Variants in CALN1 observed in about 807,000 individuals in gnomAD.
CALN1 encodes the protein calneuron 1.
Under a neutral mutation model 30.6 loss-of-function variants are expected in CALN1, and 17 were observed. That is an observed-to-expected ratio of 0.56 (90% CI 0.38 to 0.83). The LOEUF (loss-of-function observed/expected upper bound fraction) is 0.83, where lower values mean the gene tolerates loss of function less well. CALN1 is among the 40% of genes least tolerant of loss of function. The probability of loss-of-function intolerance (pLI) is 0.00; values close to 1 mark genes in which losing one functional copy is unlikely to be tolerated. For synonymous variants in CALN1, 156 were observed against 131.4 expected, an observed-to-expected ratio of 1.19 and a Z score of -1.28; for missense variants, 291 against 354.9, an observed-to-expected ratio of 0.82 and a Z score of 1.45.
intron 1 of CALN1, among the ~76,000 whole-genome samples, chr7:72,410,114 T>C (rs1477469849): frequency 1.3e-5 from 2 of 152,158 alleles, no homozygotes; most frequent in African/African-American, 2.4e-5. Flanking sequence ...GGGTACGAGT[T>C]GCTGACAAAA....
intron 5 of CALN1, among the ~76,000 whole-genome samples, chr7:71,897,107 G>A (rs1206882861): frequency 6.6e-6 from 1 of 152,088 alleles, no homozygotes; most frequent in Non-Finnish European, 1.5e-5. Flanking sequence ...CCCTGGAAAT[G>A]TGTTCATCCA....
intron 5 of CALN1, among the ~76,000 whole-genome samples, chr7:71,946,680 C>T (rs933543696): frequency 4.0e-5 from 6 of 151,730 alleles, no homozygotes; most frequent in Admixed American, 3.3e-4. Flanking sequence ...ACGTTACATA[C>T]ACATACATCA....
intron 3 of CALN1, among the ~76,000 whole-genome samples, chr7:72,214,718 G>C (rs1423112199): frequency 6.6e-6 from 1 of 151,934 alleles, no homozygotes; most frequent in African/African-American, 2.4e-5. Context: ...TGAGTGAGGG[G>C]TGCAGAAGTG....
At chr7:72,160,907 A>G (rs1231669850) in intron 3 of CALN1, among the ~76,000 whole-genome samples, 1 of 152,202 alleles carries the variant, frequency 6.6e-6, no homozygotes, top group Non-Finnish European at 1.5e-5. Flanking sequence ...CCGGATAGAA[A>G]GCTAGGAGAA....
chr7:71,840,484 TTAA>T (rs1463223628), intron 5 of CALN1, among the ~76,000 whole-genome samples: 2 of 84,232 alleles, frequency 2.4e-5, no homozygotes, highest in Middle Eastern at 5.1e-3. Context: ...GATGCTCTCT[TTAA>T]AAAAAAAAAA....
At chr7:72,218,991 G>A (rs1270156269) in intron 3 of CALN1, among the ~76,000 whole-genome samples, 2 of 152,198 alleles carry the variant, frequency 1.3e-5, no homozygotes. Flanking sequence ...AACTGCAGAT[G>A]CCATGAGAAG....
At chr7:72,020,778 T>C (rs1800658722) in intron 5 of CALN1, among the ~76,000 whole-genome samples, 1 of 152,236 alleles carries the variant, frequency 6.6e-6, no homozygotes, top group Admixed American at 6.5e-5. Flanking sequence ...AGGCAGTCCA[T>C]ATATTGTAAG....
chr7:72,164,259 T>C (rs1359473338), intron 3 of CALN1, among the ~76,000 whole-genome samples: 2 of 149,744 alleles, frequency 1.3e-5, no homozygotes, highest in Non-Finnish European at 3.0e-5. Flanking sequence ...TCCTAGCCAC[T>C]CTGGAGGCTG....
At chr7:72,217,629 C>T (rs187908810) in intron 3 of CALN1, among the ~76,000 whole-genome samples, 1 of 152,024 alleles carries the variant, frequency 6.6e-6, no homozygotes, top group East Asian at 1.9e-4. Context: ...GACGATTTCA[C>T]AGGCATCTCT....
At chr7:71,921,183 A>G (rs1794927076) in intron 5 of CALN1, among the ~76,000 whole-genome samples, 1 of 152,126 alleles carries the variant, frequency 6.6e-6, no homozygotes, top group Non-Finnish European at 1.5e-5. Context: ...GGAGAGATAC[A>G]TCACACACAC....
the CALN1 span, among the ~76,000 whole-genome samples, chr7:72,501,978 C>CAA: frequency 9.1e-6 from 1 of 109,304 alleles, no homozygotes; most frequent in African/African-American, 3.8e-5. Context: ...AATATATATA[C>CAA]ACACATATAT....
At chr7:72,049,086 G>A (rs1352949642) in intron 4 of CALN1, among the ~76,000 whole-genome samples, 2 of 152,088 alleles carry the variant, frequency 1.3e-5, no homozygotes, top group African/African-American at 4.8e-5. Flanking sequence ...TGGGATTATC[G>A]GTGTGAGCCA....
chr7:72,158,888 C>T (rs900345583), intron 3 of CALN1, among the ~76,000 whole-genome samples: 3 of 152,116 alleles, frequency 2.0e-5, no homozygotes, highest in East Asian at 3.9e-4. Flanking sequence ...GATGGAGTCT[C>T]GCTCTGTCGC....
intron 5 of CALN1, among the ~76,000 whole-genome samples, chr7:71,816,783 C>T (rs1788288913): frequency 6.6e-6 from 1 of 152,120 alleles, no homozygotes; most frequent in Admixed American, 6.5e-5. Flanking sequence ...GCCTGACCAA[C>T]ATGGTGAAAC....
chr7:72,165,233 C>A (rs190245498), intron 3 of CALN1, among the ~76,000 whole-genome samples: 35 of 152,214 alleles, frequency 2.3e-4, no homozygotes, highest in African/African-American at 7.9e-4. Flanking sequence ...AGGCAACTGC[C>A]CATACATTTA....
At position 72,271,575 on chromosome 7, in the gene CALN1, A is replaced by AAAAAATATAT; in HGVS notation, c.244+7110_244+7111insATATATTTTT. On this transcript the variant is annotated intron_variant, in intron 3 of 6. Transcript: ENST00000395275. ...CTGTGCCTGCCTTTTAAAAAAAAAAAATATATATATATATATATAGTTTTC... is the reference window on the plus strand; with the variant it reads ...CTGTGCCTGCCTTTTAAAAAAAAAAAAAAAATATATATATATATATATATATATAGTTTTC... 8.1e-4 allele frequency among the ~76,000 whole-genome samples: 42 copies of AAAAAATATAT among 52,126 alleles called. 1 individual carries two copies. In the East Asian group the frequency reaches 8.9e-3, roughly 11 times the overall value. 34.2% of individuals were successfully genotyped at this position (52,126 alleles called of 152,430 possible). A position where few individuals can be genotyped will look rare whatever the true frequency, so the allele number is the denominator to read the frequency against.
At chr7:72,465,191 A>C in the CALN1 span, among the ~76,000 whole-genome samples, 1 of 152,188 alleles carries the variant, frequency 6.6e-6, no homozygotes, top group South Asian at 2.1e-4. Context: ...GGATAACTTT[A>C]CTTGCTCTTC....
intron 3 of CALN1, among the ~76,000 whole-genome samples, chr7:72,235,393 T>G (rs1209865516): frequency 6.6e-6 from 1 of 152,206 alleles, no homozygotes; most frequent in Non-Finnish European, 1.5e-5. Flanking sequence ...ATTAGTATTG[T>G]CCTGGGTGCA....
intron 5 of CALN1, among the ~76,000 whole-genome samples, chr7:71,854,844 A>G (rs1303706216): frequency 6.6e-6 from 1 of 152,268 alleles, no homozygotes. Flanking sequence ...TGTGAAGCCA[A>G]GCTTAATTCA....
Sources: allele counts gnomAD v4.1 joint callset (sites outside exome capture counted in the v4.1 genomes callset), GRCh38; gene constraint gnomAD v4.1.1; transcripts MANE v1.5; gene names NCBI Gene and HGNC (gene_info 2026-07-23, HGNC 2026-07-21).